CDH18: variants seen among roughly 807,000 people sequenced by gnomAD.
CDH18 encodes the protein cadherin 18.
In CDH18, 31 loss-of-function variants were observed where a neutral mutation model predicts 67.9. That is an observed-to-expected ratio of 0.46 (90% confidence interval 0.34 to 0.62). CDH18 has a LOEUF of 0.62. Among genes scored for constraint, CDH18 ranks in the 20% least tolerant of loss-of-function variants. The pLI, the probability that CDH18 is intolerant of heterozygous loss-of-function variation, is 0.01. For synonymous variants in CDH18, 362 were observed against 347.2 expected (o/e 1.04, Z -0.48); for missense variants, 890 against 975.5 (o/e 0.91, Z 1.17).
chr5:19,555,735 C>T (rs1233659165), intron 8 of CDH18, among the ~76,000 whole-genome samples: 1 of 152,176 alleles, frequency 6.6e-6, no homozygotes, highest in Non-Finnish European at 1.5e-5. Flanking sequence ...CCGTATGGCT[C>T]TGTTGACTGC....
Position 20,245,291 on chromosome 5 carries a change from G to C in CDH18, c.-518+10153C>G, listed in dbSNP as rs368281875. Among the ~76,000 whole-genome samples the C allele has an allele frequency of 1.2e-4, 18 of 152,168 alleles. No individual in the cohort carries two copies. In the East Asian group the frequency reaches 2.9e-3, roughly 24 times the overall value. On this transcript the variant is annotated intron_variant, in intron 2 of 14. Coordinates refer to the CDH18 transcript ENST00000507958. ...AAGCGAGTGAAGCTGTATCAAAAGA[G>C]GTTCTAAATCATTTTTATATCCCCA...
chr5:20,236,092 GGTAA>G (rs1433841765), intron 2 of CDH18, among the ~76,000 whole-genome samples: 2 of 151,932 alleles, frequency 1.3e-5, no homozygotes, highest in Non-Finnish European at 2.9e-5. Flanking sequence ...AGGTGAGGAG[GGTAA>G]GTGTTGAAAA....
At chr5:20,095,210 G>A (rs573975572) in intron 2 of CDH18, among the ~76,000 whole-genome samples, 17 of 151,092 alleles carry the variant, frequency 1.1e-4, no homozygotes, top group Admixed American at 3.3e-4. Flanking sequence ...TGTAGATGAC[G>A]GGTTGATGGG....
chr5:19,609,251 G>A (rs1262902766), intron 6 of CDH18, among the ~76,000 whole-genome samples: 4 of 151,882 alleles, frequency 2.6e-5, no homozygotes, highest in African/African-American at 9.7e-5. Flanking sequence ...CCATAGATGG[G>A]CTGATTTGTT....
intron 2 of CDH18, among the ~76,000 whole-genome samples, chr5:20,155,840 CCAGTGAATA>C (rs934038001): frequency 1.1e-4 from 17 of 152,072 alleles, no homozygotes; most frequent in African/African-American, 3.9e-4. Flanking sequence ...TGTCCTTTCA[CCAGTGAATA>C]CTTTTGTTGA....
intron 1 of CDH18, among the ~76,000 whole-genome samples, chr5:20,338,679 A>G (rs1561985409): frequency 1.3e-5 from 2 of 152,230 alleles, no homozygotes; most frequent in East Asian, 3.8e-4. Flanking sequence ...AAGGAGGAAT[A>G]TGTTTGGAGG....
chr5:19,484,361 T>C (rs375618201), intron 11 of CDH18, among the ~76,000 whole-genome samples: 8 of 152,280 alleles, frequency 5.3e-5, no homozygotes, highest in African/African-American at 1.9e-4. Flanking sequence ...GGATAAAACC[T>C]CTATTCTAGA....
intron 1 of CDH18, among the ~76,000 whole-genome samples, chr5:20,461,441 G>A (rs548362708): frequency 1.1e-4 from 16 of 152,232 alleles, no homozygotes; most frequent in African/African-American, 3.9e-4. Flanking sequence ...ATATTCTCTA[G>A]AAAGATAATC....
In CDH18 at chr5:19,935,923, C is replaced by T. The variant is rs184626826; in HGVS notation, c.-257+45137G>A. On this transcript the variant is annotated intron_variant, in intron 2 of 12. Transcript: ENST00000382275. ...TGTGTTTCGCTTAATTGTTTAGTCA[C>T]ACCTGTTAGTACTGTTGTTCCAGAC... 7.3e-4 allele frequency among the ~76,000 whole-genome samples: 110 copies of T among 150,464 alleles called. 1 individual carries two copies. Among genetic ancestry groups the T allele is most frequent in the African/African-American group, 2.4e-3 (100 of 41,184 alleles).
intron 2 of CDH18, chr5:19,886,417 C>G: frequency 6.6e-6 from 1 of 152,084 alleles, no homozygotes; most frequent in East Asian, 1.9e-4. Context: ...ACAGAGAGGA[C>G]AGAAACAGAG....
intron 2 of CDH18, among the ~76,000 whole-genome samples, chr5:19,996,335 C>G (rs542050775): frequency 6.6e-6 from 1 of 151,976 alleles, no homozygotes; most frequent in African/African-American, 2.4e-5. Flanking sequence ...TTATATTCTA[C>G]AGTGTACATG....
rs563153481 is a variant in CDH18, at chr5:20,425,871, T to G, written c.-580+149591A>C. On this transcript the variant is annotated intron_variant, in intron 1 of 14. Coordinates refer to the CDH18 transcript ENST00000507958. ...TTTCTATCATTTTTATTGTTGTTGT[T>G]TTAACTGGCTTGATAAAACAGATGG... Among the ~76,000 whole-genome samples the G allele has an allele frequency of 5.3e-5, 8 of 151,046 alleles. No individual in the cohort carries two copies. The South Asian group carries it at 1.5e-3, about 27-fold the overall frequency.
intron 1 of CDH18, among the ~76,000 whole-genome samples, chr5:20,492,482 A>G (rs1023188119): frequency 6.6e-6 from 1 of 152,314 alleles, no homozygotes; most frequent in Admixed American, 6.5e-5. Flanking sequence ...TAAAAGGAAT[A>G]CTAAAATCAA....
chr5:19,865,183 T>C (rs1785353260), intron 2 of CDH18, among the ~76,000 whole-genome samples: 1 of 152,086 alleles, frequency 6.6e-6, no homozygotes, highest in Non-Finnish European at 1.5e-5. Context: ...ACACTTGCTG[T>C]GGGAACTCTG....
intron 1 of CDH18, among the ~76,000 whole-genome samples, chr5:20,345,276 TA>T (rs770010312): frequency 5.3e-5 from 8 of 152,162 alleles, no homozygotes; most frequent in Non-Finnish European, 7.4e-5. Context: ...ATTGGGGTAC[TA>T]TTTTTTATAA....
intron 3 of CDH18, among the ~76,000 whole-genome samples, chr5:19,824,665 A>G (rs1245564318): frequency 1.3e-5 from 2 of 151,902 alleles, no homozygotes; most frequent in Admixed American, 1.3e-4. Context: ...AGATTGCTTC[A>G]CTCCTCCTAG....
At chr5:20,349,959 C>T (rs1741032145) in intron 1 of CDH18, among the ~76,000 whole-genome samples, 1 of 152,074 alleles carries the variant, frequency 6.6e-6, no homozygotes, top group Admixed American at 6.6e-5. Flanking sequence ...CACAGTTGGC[C>T]AAGGTCAAGA....
intron 1 of CDH18, among the ~76,000 whole-genome samples, chr5:20,572,850 G>A (rs977205668): frequency 2.0e-5 from 3 of 152,080 alleles, no homozygotes; most frequent in African/African-American, 7.2e-5. Flanking sequence ...GTCAACTAGA[G>A]CTCTCTCAAC....
intron 1 of CDH18, among the ~76,000 whole-genome samples, chr5:20,457,789 CA>C (rs1285473173): frequency 6.6e-6 from 1 of 151,548 alleles, no homozygotes; most frequent in Non-Finnish European, 1.5e-5. Flanking sequence ...CAAGGCTGGA[CA>C]AAAAAACTGG....
Sources: allele counts gnomAD v4.1 joint callset (sites outside exome capture counted in the v4.1 genomes callset), GRCh38; gene constraint gnomAD v4.1.1; transcripts MANE v1.5; gene names NCBI Gene and HGNC (gene_info 2026-07-23, HGNC 2026-07-21).